The following SYNCRIP variants were observed in gnomAD, a reference collection of about 807,000 sequenced individuals.
The protein encoded by SYNCRIP is heterogeneous nuclear ribonucleoprotein Q.
A neutral mutation model predicts 68.9 loss-of-function variants in SYNCRIP; 9 were observed. The ratio of observed to expected loss-of-function variants is 0.13; its 90% CI spans 0.08 to 0.23. SYNCRIP has a LOEUF of 0.23. SYNCRIP is among the 10% of genes least tolerant of loss of function. The pLI is 1.00. For synonymous variants in SYNCRIP, 258 were observed against 254.0 expected, an observed-to-expected ratio of 1.02 and a Z score of -0.15; for missense variants, 414 against 770.6, an observed-to-expected ratio of 0.54 and a Z score of 5.48.
chr6:85,622,209 T>TAA (rs372171036), intron 8 of SYNCRIP, among the ~76,000 whole-genome samples: 24 of 151,576 alleles, frequency 1.6e-4, no homozygotes, highest in Non-Finnish European at 3.5e-4. Context: ...CCAGCTCTAC[T>TAA]AAAAAAAACA....
intron 6 of SYNCRIP, among the ~76,000 whole-genome samples, chr6:85,627,519 A>AAAAAAC (rs1460881254): frequency 1.3e-5 from 2 of 152,112 alleles, no homozygotes; most frequent in African/African-American, 4.8e-5. Context: ...ATCACCTAAA[A>AAAAAAC]AAAAACAAAA....
At chr6:85,619,228 G>A (rs1259015715) in intron 9 of SYNCRIP, 40 bp downstream of exon 9, 1 of 1,597,114 alleles carries the variant, frequency 6.3e-7, no homozygotes, top group African/African-American at 1.4e-5. Flanking sequence ...GACTAAATTT[G>A]TTAGTCTGAT....
In SYNCRIP at chr6:85,614,724, C is replaced by A. The variant is rs769473426; in HGVS notation, c.*32G>T. The A allele has an allele frequency of 6.5e-7, 1 of 1,539,844 alleles. No individual in the cohort carries two copies. The highest frequency in any genetic ancestry group is 8.7e-7 in the Non-Finnish European group (1 of 1,147,092). ...TAGGGTGAGTTTCTGATCAACCTAT[C>A]AGTCTCCAATTTTACAGAGGCCCTA... On this transcript the variant is annotated 3_prime_UTR_variant, in exon 11 of 11. Coordinates refer to ENST00000369622, the MANE Select transcript of SYNCRIP (RefSeq NM_006372.5).
rs2128278042 is a variant in SYNCRIP, at chr6:85,614,991, C to A, written c.1637G>T (p.Arg546Ile). ...RGARGGAQQQRGRGVRGARGG... is the reference protein window; with the variant it reads ...RGARGGAQQQIGRGVRGARGG... ...CCTCGCACCACGTACCCCGCGGCCT[C>A]TTTGTTGTTGGGCACCTCCTCTCGC... The change falls in exon 11 of 11, where the codon AGA becomes ATA. Residue 546 changes from arginine to isoleucine, a missense_variant. By Grantham distance (97) the Arg-to-Ile change is moderately conservative (BLOSUM62 -3). Around this residue, in one of 6 missense-constraint regions of SYNCRIP, gnomAD observed 130 missense variants for 149.0 expected, o/e 0.87. Coordinates refer to ENST00000369622, the MANE Select transcript of SYNCRIP (RefSeq NM_006372.5). 1 of 1,613,646 alleles carries A rather than the reference C, an allele frequency of 6.2e-7. No individual in the cohort carries two copies. The highest frequency in any genetic ancestry group is 8.5e-7 in the Non-Finnish European group (1 of 1,179,702).
intron 6 of SYNCRIP, among the ~76,000 whole-genome samples, chr6:85,630,959 A>G (rs1312471527): frequency 1.3e-5 from 2 of 152,152 alleles, no homozygotes; most frequent in Non-Finnish European, 2.9e-5. Flanking sequence ...GCTCAATGTC[A>G]CCCTACCTGA....
chr6:85,621,021 A>C (rs998570165), intron 8 of SYNCRIP, among the ~76,000 whole-genome samples: 6 of 152,238 alleles, frequency 3.9e-5, no homozygotes, highest in Non-Finnish European at 7.3e-5. Context: ...TAGTAAGACA[A>C]ACTGTTCTCA....
chr6:85,639,176 C>A (rs577974637), intron 4 of SYNCRIP, among the ~76,000 whole-genome samples: 15 of 152,244 alleles, frequency 9.9e-5, no homozygotes, highest in African/African-American at 3.6e-4. Context: ...CCACTGCACT[C>A]CAGCCTGGGT....
chr6:85,629,705 C>A (rs1358316184), intron 6 of SYNCRIP, among the ~76,000 whole-genome samples: 1 of 151,974 alleles, frequency 6.6e-6, no homozygotes, highest in African/African-American at 2.4e-5. Flanking sequence ...ACCTGTAGTC[C>A]CAGCTACTCG....
chr6:85,643,558 T>C (rs1466933908), upstream of SYNCRIP, among the ~76,000 whole-genome samples: 1 of 145,660 alleles, frequency 6.9e-6, no homozygotes, highest in East Asian at 2.1e-4. Context: ...CGGCTCAGCG[T>C]GTCCCACTCG....
chr6:85,632,107 T>C (rs1359039589), intron 6 of SYNCRIP, among the ~76,000 whole-genome samples: 1 of 152,228 alleles, frequency 6.6e-6, no homozygotes, highest in Non-Finnish European at 1.5e-5. Flanking sequence ...TCTTCAACTG[T>C]TAACATCAAT....
intron 4 of SYNCRIP, among the ~76,000 whole-genome samples, chr6:85,638,332 G>A (rs1322871192): frequency 8.0e-6 from 1 of 124,388 alleles, no homozygotes; most frequent in Admixed American, 1.1e-4. Context: ...AGTGAGCGGA[G>A]ATCGCGCCAC....
chr6:85,625,030 C>A (rs1406532213), intron 6 of SYNCRIP, among the ~76,000 whole-genome samples: 1 of 152,156 alleles, frequency 6.6e-6, no homozygotes, highest in East Asian at 1.9e-4. Flanking sequence ...TACCTTACAG[C>A]AAAAGAAACC....
At chr6:85,627,582 T>C (rs1807202662) in intron 6 of SYNCRIP, among the ~76,000 whole-genome samples, 1 of 152,086 alleles carries the variant, frequency 6.6e-6, no homozygotes. Context: ...ATATGGTGAA[T>C]GGTGTAATAC....
chr6:85,628,395 CA>C (rs1428545789), intron 6 of SYNCRIP, among the ~76,000 whole-genome samples: 4 of 152,120 alleles, frequency 2.6e-5, no homozygotes, highest in African/African-American at 9.7e-5. Flanking sequence ...TACAATAAGC[CA>C]AAATCTACTT....
At chr6:85,613,061 A>AGTT (rs1417544277), downstream of SYNCRIP, 4 of 981,582 alleles carry the variant, frequency 4.1e-6, no homozygotes, top group Non-Finnish European at 5.5e-6. Context: ...AGTTGCCTTT[A>AGTT]ATAACTATGA....
chr6:85,636,620 T>C (rs2128300473), intron 6 of SYNCRIP, among the ~76,000 whole-genome samples: 1 of 152,326 alleles, frequency 6.6e-6, no homozygotes, highest in African/African-American at 2.4e-5. Context: ...GAAAAAGAGA[T>C]GGCTCAGGTA....
chr6:85,641,412 C>T lies in SYNCRIP; in HGVS notation c.28G>A (p.Gly10Ser). 1 of 1,613,656 alleles carries T rather than the reference C, an allele frequency of 6.2e-7. No homozygotes were observed. The highest frequency in any genetic ancestry group is 8.5e-7 in the Non-Finnish European group (1 of 1,179,990). The change falls in exon 2 of 11, where the codon GGT (glycine) becomes AGT (serine). Residue 10 changes from glycine to serine, a missense_variant. Gly to Ser is a moderately conservative substitution (Grantham distance 56). Coordinates refer to ENST00000369622, the MANE Select transcript of SYNCRIP (RefSeq NM_006372.5). MATEHVNGN[G>S]TEEPMDTTSA... ...GTAGTATCCATGGGCTCTTCAGTAC[C>T]ATTTCCATTAACATGTTCTGTAGCC...
downstream of SYNCRIP, chr6:85,613,027 CT>C: frequency 7.4e-7 from 1 of 1,348,672 alleles, no homozygotes; most frequent in Non-Finnish European, 9.9e-7. Flanking sequence ...CATGGTAATT[CT>C]AAATATACTG....
At chr6:85,632,261 CAAAAG>C (rs924476975) in intron 6 of SYNCRIP, among the ~76,000 whole-genome samples, 5 of 152,168 alleles carry the variant, frequency 3.3e-5, no homozygotes, top group South Asian at 2.1e-4. Context: ...TCCAGACACT[CAAAAG>C]AGAAACAGAG....
Sources: allele counts gnomAD v4.1 joint callset (sites outside exome capture counted in the v4.1 genomes callset), GRCh38; gene constraint gnomAD v4.1.1; regional missense constraint gnomAD v4.1.1; transcripts MANE v1.5; gene names NCBI Gene and HGNC (gene_info 2026-07-23, HGNC 2026-07-21).